The following CHST12 variants were observed in gnomAD, a reference collection of about 807,000 sequenced individuals.
The protein encoded by CHST12 is carbohydrate sulfotransferase 12, also known as carbohydrate (chondroitin 4) sulfotransferase 12.
A neutral mutation model predicts 27.9 loss-of-function variants in CHST12; 23 were observed. That is an observed-to-expected ratio of 0.82 (90% confidence interval 0.59 to 1.17). The LOEUF is 1.17. CHST12 is among the 50% of genes most tolerant of loss of function. The pLI, the probability that CHST12 is intolerant of heterozygous loss-of-function variation, is 0.00. For missense variants in CHST12, 682 were observed against 603.0 expected, an observed-to-expected ratio of 1.13 and a Z score of -1.37; for synonymous variants, 322 against 273.0, an observed-to-expected ratio of 1.18 and a Z score of -1.77.
At chr7:2,428,197 CTT>C (rs113888480) in intron 1 of CHST12, among the ~76,000 whole-genome samples, 40 of 131,298 alleles carry the variant, frequency 3.0e-4, no homozygotes, top group Admixed American at 3.1e-4. Context: ...TTCTCTCTCT[CTT>C]TTTTTTTTTT....
intron 1 of CHST12, among the ~76,000 whole-genome samples, chr7:2,427,129 G>A (rs1782143818): frequency 6.6e-6 from 1 of 151,896 alleles, no homozygotes; most frequent in Admixed American, 6.6e-5. Flanking sequence ...AGGTTGCAGT[G>A]AGCCAAGATC....
chr7:2,412,698 A>G (rs1444471365), intron 1 of CHST12, among the ~76,000 whole-genome samples: 1 of 152,318 alleles, frequency 6.6e-6, no homozygotes, highest in Non-Finnish European at 1.5e-5. Context: ...GGGCTCTCCA[A>G]CAACAGCCTG....
chr7:2,419,787 T>G (rs1781916829), intron 1 of CHST12, among the ~76,000 whole-genome samples: 1 of 151,842 alleles, frequency 6.6e-6, no homozygotes, highest in African/African-American at 2.4e-5. Flanking sequence ...CACATCACTC[T>G]GCAGCAATCA....
At chr7:2,412,010 G>A (rs1781679716) in intron 1 of CHST12, among the ~76,000 whole-genome samples, 1 of 152,184 alleles carries the variant, frequency 6.6e-6, no homozygotes, top group African/African-American at 2.4e-5. Flanking sequence ...CTTAGAGACG[G>A]GAAGGAAGAG....
chr7:2,414,476 G>T (rs1333345002), intron 1 of CHST12, among the ~76,000 whole-genome samples: 1 of 151,786 alleles, frequency 6.6e-6, no homozygotes, highest in Non-Finnish European at 1.5e-5. Context: ...GTGGAGATGG[G>T]GTTTCGCCAT....
rs117593417 is a variant in CHST12, at chr7:2,418,022, C to T, written c.-78+14349C>T. Among the ~76,000 whole-genome samples, 259 of 152,364 alleles carry T rather than the reference C, an allele frequency of 1.7e-3. 2 individuals are homozygous for T. The Middle Eastern group carries it at 0.017, about 10-fold the overall frequency. ...CAGAGCAGGATGGCTGTGGTCACGT[C>T]ACGGTGACACACAGCTGAACACGAG... On this transcript the variant is annotated intron_variant, in intron 1 of 1. Transcript: ENST00000618655.
intron 1 of CHST12, among the ~76,000 whole-genome samples, chr7:2,411,500 T>TTTTTTTTC (rs1261086470): frequency 7.3e-6 from 1 of 136,426 alleles, no homozygotes; most frequent in Non-Finnish European, 1.6e-5. Context: ...CTTTTTTTTT[T>TTTTTTTTC]TTTTTTTTGA....
intron 1 of CHST12, among the ~76,000 whole-genome samples, chr7:2,408,662 G>A (rs1781588153): frequency 6.6e-6 from 1 of 152,196 alleles, no homozygotes; most frequent in Non-Finnish European, 1.5e-5. Flanking sequence ...ACTCAGGCAA[G>A]GGAGGGTAGG....
At chr7:2,415,715 C>T (rs1162101050) in intron 1 of CHST12, among the ~76,000 whole-genome samples, 1 of 151,894 alleles carries the variant, frequency 6.6e-6, no homozygotes, top group African/African-American at 2.4e-5. Flanking sequence ...CGGGTTCACG[C>T]CATTCTCCTG....
At chr7:2,426,808 T>C (rs1225662480) in intron 1 of CHST12, among the ~76,000 whole-genome samples, 1 of 151,872 alleles carries the variant, frequency 6.6e-6, no homozygotes, top group Admixed American at 6.6e-5. Context: ...CTGGCCAACA[T>C]GGTGGAGCTC....
rs1477296686 is a variant in CHST12 at position 2,441,826 on chromosome 7, G to A, written c.*7942G>A. On this transcript the variant is annotated 3_prime_UTR_variant, in exon 2 of 2. Coordinates refer to ENST00000618655, the MANE Select transcript of CHST12 (RefSeq NM_018641.5). ...TATATTTTCTTGGGTGAATTGTGGTGGTGGTAATGGTTTTAACTGGTGTTA... is the reference window on the plus strand; with the variant it reads ...TATATTTTCTTGGGTGAATTGTGGTAGTGGTAATGGTTTTAACTGGTGTTA... 6.6e-6 allele frequency: 1 copy of A among 152,104 alleles called. No individual in the cohort carries two copies. Among genetic ancestry groups the A allele is most frequent in the African/African-American group, 2.4e-5 (1 of 41,424 alleles). 9.4% of individuals were successfully genotyped at this position (152,104 alleles called of 1,614,324 possible).
chr7:2,433,129 G>T lies in CHST12; in HGVS notation c.490G>T (p.Gly164Trp). 1 of 1,612,666 alleles carries T rather than the reference G, an allele frequency of 6.2e-7. No homozygotes were observed. Among genetic ancestry groups the T allele is most frequent in the Middle Eastern group, 1.7e-4 (1 of 6,060 alleles). The change falls in exon 2 of 2, where the codon GGG (glycine) becomes TGG (tryptophan). Residue 164 changes from glycine to tryptophan, a missense_variant. Coordinates refer to ENST00000618655, the MANE Select transcript of CHST12 (RefSeq NM_018641.5). The surrounding 1 kb of genome is among the most constrained non-coding windows in gnomAD (Gnocchi z 6.1). ...LSHLIVDDRH[G>W]AIYCYVPKVA... ...CCACCTGATCGTGGACGACCGGCAC[G>T]GGGCCATCTACTGCTACGTGCCCAA...
At chr7:2,425,386 G>C (rs1158987980) in intron 1 of CHST12, among the ~76,000 whole-genome samples, 3 of 152,230 alleles carry the variant, frequency 2.0e-5, no homozygotes, top group African/African-American at 7.2e-5. Context: ...CCCCAGACCA[G>C]GTCATAGCCA....
At chr7:2,432,517 C>T in intron 1 of CHST12, 46 bp from the exon 2 acceptor site, 1 of 1,138,898 alleles carries the variant, frequency 8.8e-7, no homozygotes, top group Non-Finnish European at 1.2e-6. Flanking sequence ...GGAGTCAGAG[C>T]CCCAGTGCAC....
chr7:2,409,422 C>A (rs1202725128), intron 1 of CHST12, among the ~76,000 whole-genome samples: 1 of 152,096 alleles, frequency 6.6e-6, no homozygotes, highest in East Asian at 1.9e-4. Flanking sequence ...CAAGACCAGC[C>A]TGGGCAACAT....
chr7:2,434,764 C>T lies in CHST12; in HGVS notation c.*880C>T, dbSNP rs893053731. ...CCTGGGTGACAGAGTGAGATTCCAT[C>T]TCAAAATAAATAAATAAATATTAAT... On this transcript the variant is annotated 3_prime_UTR_variant, in exon 2 of 2. Transcript: ENST00000618655. 3 of 151,328 alleles carry T rather than the reference C, an allele frequency of 2.0e-5. No homozygotes were observed. Among genetic ancestry groups the T allele is most frequent in the Admixed American group, 6.6e-5 (1 of 15,148 alleles). 9.4% of individuals were successfully genotyped at this position (151,328 alleles called of 1,614,324 possible).
chr7:2,443,487 A>T lies in CHST12; in HGVS notation c.*9603A>T, dbSNP rs1782670064. 1 of 152,226 alleles carries T rather than the reference A, an allele frequency of 6.6e-6. No homozygotes were observed. Among genetic ancestry groups the T allele is most frequent in the African/African-American group, 2.4e-5 (1 of 41,444 alleles). The allele number at this position is 152,226 out of a possible 1,614,324, so 9.4% of individuals were successfully genotyped here. ...CTCATGAAACCAGTCCCTGGTGCCAAAAAGGTTGGGGACCGCGGCTCTGGA... is the reference window on the plus strand; with the variant it reads ...CTCATGAAACCAGTCCCTGGTGCCATAAAGGTTGGGGACCGCGGCTCTGGA... On this transcript the variant is annotated 3_prime_UTR_variant, in exon 2 of 2. Coordinates refer to ENST00000618655, the MANE Select transcript of CHST12 (RefSeq NM_018641.5).
chr7:2,423,353 A>G (rs1004719056), intron 1 of CHST12, among the ~76,000 whole-genome samples: 2 of 152,174 alleles, frequency 1.3e-5, no homozygotes, highest in African/African-American at 4.8e-5. Context: ...AAGCTGGTAC[A>G]GGACTGCATG....
chr7:2,425,240 TAAA>T (rs1056470563), intron 1 of CHST12, among the ~76,000 whole-genome samples: 18 of 107,132 alleles, frequency 1.7e-4, no homozygotes, highest in African/African-American at 6.6e-4. Flanking sequence ...AAAAAAAACG[TAAA>T]AAAACAAACC....
Sources: gnomAD v4.1 joint callset for allele counts (sites outside exome capture counted in the v4.1 genomes callset) on GRCh38, gnomAD v4.1.1 for gene constraint, Gnocchi (gnomAD v3.1) non-coding constraint, MANE v1.5 for transcripts, NCBI Gene and HGNC (gene_info 2026-07-23, HGNC 2026-07-21) for gene names.